MIGA1: variants seen among roughly 807,000 people sequenced by gnomAD.
The protein encoded by MIGA1 is family with sequence similarity 73, member A.
A neutral mutation model predicts 82.0 loss-of-function variants in MIGA1; 58 were observed. That is an observed-to-expected ratio of 0.71 (90% CI 0.57 to 0.88). MIGA1 has a LOEUF of 0.88. Among genes scored for constraint, MIGA1 ranks in the 40% least tolerant of loss-of-function variants. The probability of loss-of-function intolerance (pLI) is 0.00; values close to 1 mark genes in which losing one functional copy is unlikely to be tolerated. For missense variants in MIGA1, 751 were observed against 749.1 expected, an observed-to-expected ratio of 1.00 and a Z score of -0.03; for synonymous variants, 249 against 253.6, an observed-to-expected ratio of 0.98 and a Z score of 0.17.
At chr1:77,870,248 G>A (rs1685901819) in intron 14 of MIGA1, among the ~76,000 whole-genome samples, 1 of 130,992 alleles carries the variant, frequency 7.6e-6, no homozygotes, top group African/African-American at 2.8e-5. Context: ...CCTCCCGGTC[G>A]GGGTGGCTGC....
chr1:77,859,493 A>G, intron 10 of MIGA1, 107 bp downstream of exon 10: 4 of 727,858 alleles, frequency 5.5e-6, no homozygotes, highest in Admixed American at 4.3e-5. Flanking sequence ...GATTATCCCT[A>G]TTCCTAATGA....
Position 77,811,385 on chromosome 1 carries a change from C to T in MIGA1, c.638-2349C>T, listed in dbSNP as rs981682368. ...CCAGCACCACCCTCTTCTTCATCTT[C>T]TTCAAATTCCAAATTCTCTTCTTCA... On this transcript the variant is annotated intron_variant, in intron 5 of 15. Coordinates refer to ENST00000370791, the MANE Select transcript of MIGA1 (RefSeq NM_198549.4). 10 of 1,605,366 alleles carry T rather than the reference C, an allele frequency of 6.2e-6. No individual in the cohort carries two copies. In the African/African-American group the frequency reaches 1.2e-4, roughly 19 times the overall value.
At chr1:77,788,749 T>C (rs1440104342) in intron 2 of MIGA1, among the ~76,000 whole-genome samples, 2 of 152,236 alleles carry the variant, frequency 1.3e-5, no homozygotes, top group Non-Finnish European at 2.9e-5. Context: ...CATTTGATGA[T>C]ATATGTGAGG....
intron 14 of MIGA1, 124 bp from the exon 15 acceptor site, chr1:77,872,880 C>A: frequency 7.7e-7 from 1 of 1,294,814 alleles, no homozygotes; most frequent in Non-Finnish European, 1.1e-6. Flanking sequence ...GACTCTGGTT[C>A]TAAAAAACAA....
At chr1:77,854,850 A>T (rs770612736) in intron 8 of MIGA1, among the ~76,000 whole-genome samples, 1 of 151,990 alleles carries the variant, frequency 6.6e-6, no homozygotes, top group Non-Finnish European at 1.5e-5. Context: ...TGGGTTGTCT[A>T]CTTACTCTGT....
Position 77,871,478 on chromosome 1 carries a change from G to A in MIGA1, c.1564-1526G>A, listed in dbSNP as rs1646833319. Among the ~76,000 whole-genome samples, 4 of 152,036 alleles carry A rather than the reference G, an allele frequency of 2.6e-5. No individual in the cohort carries two copies. The South Asian group carries it at 8.3e-4, about 32-fold the overall frequency. Reference sequence around the variant, plus strand: ...GATGGTGCCACTGCACTCCAGCCTGGGCGACAGAGTGAGACTCCGTCTCAG... The same window carrying A: ...GATGGTGCCACTGCACTCCAGCCTGAGCGACAGAGTGAGACTCCGTCTCAG... On this transcript the variant is annotated intron_variant, in intron 14 of 15. Transcript: ENST00000370791.
chr1:77,808,969 G>A (rs1004855303), intron 5 of MIGA1, among the ~76,000 whole-genome samples: 1 of 152,154 alleles, frequency 6.6e-6, no homozygotes, highest in Non-Finnish European at 1.5e-5. Flanking sequence ...TTTATGGCTG[G>A]ATATGGTGTC....
intron 7 of MIGA1, among the ~76,000 whole-genome samples, chr1:77,820,650 C>T (rs570319917): frequency 3.4e-4 from 52 of 152,164 alleles, no homozygotes; most frequent in African/African-American, 1.3e-3. Flanking sequence ...CTTTCTGATC[C>T]TGTATTTGCC....
chr1:77,873,192 G>A, intron 15 of MIGA1, 72 bp downstream of exon 15: 2 of 1,456,186 alleles, frequency 1.4e-6, no homozygotes, highest in Non-Finnish European at 1.9e-6. Context: ...ATTCTGTTTT[G>A]TTTTGCTTTT....
intron 5 of MIGA1, among the ~76,000 whole-genome samples, chr1:77,813,372 T>A (rs2101798462): frequency 6.6e-6 from 1 of 152,348 alleles, no homozygotes; most frequent in Admixed American, 6.5e-5. Context: ...AGTTTTCCTT[T>A]TAATTTACAG....
intron 7 of MIGA1, among the ~76,000 whole-genome samples, chr1:77,816,652 A>G (rs1683583660): frequency 6.6e-6 from 1 of 152,244 alleles, no homozygotes; most frequent in African/African-American, 2.4e-5. Context: ...CTTCTCTGCT[A>G]TTAGCATAGG....
chr1:77,808,484 C>A (rs1683192926), intron 5 of MIGA1, among the ~76,000 whole-genome samples: 1 of 152,096 alleles, frequency 6.6e-6, no homozygotes, highest in Non-Finnish European at 1.5e-5. Context: ...TTCTAGCTAT[C>A]ATTTGTATTA....
chr1:77,848,457 A>C (rs1470964250), intron 8 of MIGA1: 5 of 953,384 alleles, frequency 5.2e-6, no homozygotes, highest in Non-Finnish European at 8.1e-6. Context: ...ACAAGAAGTA[A>C]GTGTTTGATC....
intron 7 of MIGA1, among the ~76,000 whole-genome samples, chr1:77,820,106 CTTTTTTTTTTT>C (rs59328443): frequency 7.8e-6 from 1 of 127,938 alleles, no homozygotes; most frequent in Non-Finnish European, 1.7e-5. Flanking sequence ...TTGTGTAGAT[CTTTTTTTTTTT>C]TTTTTTTAAT....
intron 5 of MIGA1, 147 bp downstream of exon 5, chr1:77,807,248 A>G (rs968066127): frequency 1.9e-6 from 1 of 513,684 alleles, no homozygotes. Context: ...TGCAGCCTCA[A>G]CTTCCTGGGC....
chr1:77,833,980 T>C (rs572407162), intron 7 of MIGA1, among the ~76,000 whole-genome samples: 1 of 152,364 alleles, frequency 6.6e-6, no homozygotes, highest in South Asian at 2.1e-4. Flanking sequence ...TCAATCATAG[T>C]ATATAAAAAT....
At chr1:77,859,491 C>G (rs769712748) in intron 10 of MIGA1, 105 bp downstream of exon 10, 22 of 744,426 alleles carry the variant, frequency 3.0e-5, no homozygotes, top group Non-Finnish European at 4.7e-5. Flanking sequence ...TTGATTATCC[C>G]TATTCCTAAT....
In MIGA1 at chr1:77,876,001, CG is replaced by C. The variant is rs1646890884; in HGVS notation, c.*940del. ...TACAAAAATTAGCCAGGTGTGGTGG[CG>C]GGCGCCTGTAGTCCCAGCTACTCGG... On this transcript the variant is annotated 3_prime_UTR_variant, in exon 16 of 16. Transcript: ENST00000370791. The C allele has an allele frequency of 6.6e-6, 1 of 152,154 alleles. No homozygotes were observed. The highest frequency in any genetic ancestry group is 1.5e-5 in the Non-Finnish European group (1 of 68,174). The allele number at this position is 152,154 out of a possible 1,614,324, so 9.4% of individuals were successfully genotyped here. A position where few individuals can be genotyped will look rare whatever the true frequency, so the allele number is the denominator to read the frequency against.
chr1:77,811,289 C>A lies in MIGA1; in HGVS notation c.638-2445C>A. ...ATTCTGATAGTGAGTAATGTCATTC[C>A]TGGTTCCGATGGCAACCTTGGTAAT... On this transcript the variant is annotated intron_variant, in intron 5 of 15. Transcript: ENST00000370791. 3.8e-6 allele frequency: 6 copies of A among 1,596,830 alleles called. No individual in the cohort carries two copies. The South Asian group carries it at 6.6e-5, about 18-fold the overall frequency.
Sources: gnomAD v4.1 joint callset for allele counts (sites outside exome capture counted in the v4.1 genomes callset) on GRCh38, gnomAD v4.1.1 for gene constraint, MANE v1.5 for transcripts, NCBI Gene and HGNC (gene_info 2026-07-23, HGNC 2026-07-21) for gene names.